The following XRN1 variants were observed in gnomAD, a reference collection of about 807,000 sequenced individuals.
The protein encoded by XRN1 is 5'-3' exoribonuclease 1.
Under a neutral mutation model 222.3 loss-of-function variants are expected in XRN1, and 67 were observed. The observed-to-expected ratio is 0.30, with a 90% CI of 0.25 to 0.37. The LOEUF is 0.37. XRN1 is among the 10% of genes least tolerant of loss of function. XRN1 has a pLI of 1.00. For synonymous variants in XRN1, 643 were observed against 652.4 expected (o/e 0.99, Z 0.22); for missense variants, 1,707 against 2,000.2 (o/e 0.85, Z 2.80).
At position 142,384,547 on chromosome 3, in the gene XRN1, A is replaced by AG; in HGVS notation, c.2477dup (p.Val828CysfsTer24). On this transcript the variant is annotated frameshift_variant, in exon 21 of 41. Transcript: ENST00000392981. LOFTEE classifies it high-confidence loss of function. ...CCTTGACAATAGTTTGATAAACAAA[A>AG]GGAACAACTTGTTTTGACCACTGTT... 1 of 1,611,354 alleles carries AG rather than the reference A, an allele frequency of 6.2e-7. No homozygotes were observed.
rs768158448 is a variant in XRN1 at position 142,357,135 on chromosome 3, A to G, written c.3465-16T>C. 17 of 1,589,484 alleles carry G rather than the reference A, an allele frequency of 1.1e-5. No individual in the cohort carries two copies. Among genetic ancestry groups the G allele is most frequent in the South Asian group, 5.7e-5 (5 of 87,890 alleles). ...AGGTGAGCATCTAAAAGTAAAAGTT[A>G]TATCAGGGTTGGAAGGAAAACAATA... is the stretch of plus-strand genomic sequence containing the variant. On this transcript the variant is annotated splice_polypyrimidine_tract_variant and intron_variant, in intron 30 of 40. Coordinates refer to ENST00000392981, the MANE Select transcript of XRN1 (RefSeq NM_001282857.2).
At chr3:142,325,255 G>A (rs2065483827) in intron 37 of XRN1, among the ~76,000 whole-genome samples, 1 of 151,540 alleles carries the variant, frequency 6.6e-6, no homozygotes, top group African/African-American at 2.4e-5. Flanking sequence ...TTATTTTTTG[G>A]TAAAAGCCAT....
chr3:142,309,246 CAG>C lies in XRN1; in HGVS notation c.*2263_*2264del, dbSNP rs1213590740. The C allele has an allele frequency of 6.6e-6, 1 of 151,906 alleles. No individual in the cohort carries two copies. The highest frequency in any genetic ancestry group is 1.9e-4 in the East Asian group (1 of 5,182). 9.4% of individuals were successfully genotyped at this position (151,906 alleles called of 1,614,324 possible). A position where few individuals can be genotyped will look rare whatever the true frequency, so the allele number is the denominator to read the frequency against. ...TAAAACTTTTTTCTTTTTTTTGAGA[CAG>C]AGTCTTGCTCTGCTCTCCAGGCTGG... is the stretch of plus-strand genomic sequence containing the variant. On this transcript the variant is annotated 3_prime_UTR_variant, in exon 41 of 41. Transcript: ENST00000392981.
intron 1 of XRN1, among the ~76,000 whole-genome samples, chr3:142,438,266 C>T (rs62276420): frequency 0.025 from 3,797 of 151,930 alleles, 74 homozygotes; most frequent in Non-Finnish European, 0.038. Flanking sequence ...AGGCAGAGGT[C>T]CGTGGGGAGT....
At chr3:142,319,584 T>C (rs895610195) in intron 37 of XRN1, among the ~76,000 whole-genome samples, 1 of 152,162 alleles carries the variant, frequency 6.6e-6, no homozygotes, top group African/African-American at 2.4e-5. Flanking sequence ...TACTACATAG[T>C]GGTGAAGTAT....
At chr3:142,440,317 C>T (rs2070144385) in intron 1 of XRN1, among the ~76,000 whole-genome samples, 1 of 152,064 alleles carries the variant, frequency 6.6e-6, no homozygotes, top group Non-Finnish European at 1.5e-5. Flanking sequence ...GAAAGCCCCA[C>T]TCCCTTGTTA....
intron 37 of XRN1, among the ~76,000 whole-genome samples, chr3:142,328,373 T>C (rs565400942): frequency 6.6e-6 from 1 of 152,272 alleles, no homozygotes; most frequent in African/African-American, 2.4e-5. Flanking sequence ...TAAAATTTTC[T>C]CTTAATTTCT....
intron 20 of XRN1, among the ~76,000 whole-genome samples, chr3:142,388,866 T>C (rs148542274): frequency 4.6e-5 from 7 of 152,348 alleles, no homozygotes; most frequent in African/African-American, 1.4e-4. Flanking sequence ...GCATCTTCAC[T>C]ATGAGTAGAT....
intron 20 of XRN1, among the ~76,000 whole-genome samples, chr3:142,387,998 T>C (rs182168367): frequency 2.0e-5 from 3 of 152,330 alleles, no homozygotes; most frequent in Admixed American, 1.3e-4. Context: ...GCTGATGCCA[T>C]ACTTCTTGTG....
chr3:142,395,627 T>C (rs1022894767), intron 20 of XRN1, among the ~76,000 whole-genome samples: 1 of 152,216 alleles, frequency 6.6e-6, no homozygotes, highest in Non-Finnish European at 1.5e-5. Flanking sequence ...CAATCATTCC[T>C]TTACCCACTC....
At chr3:142,327,604 C>A (rs538989870) in intron 37 of XRN1, among the ~76,000 whole-genome samples, 1 of 150,286 alleles carries the variant, frequency 6.7e-6, no homozygotes, top group East Asian at 1.9e-4. Flanking sequence ...ATTTCTGCCC[C>A]AATCTTTATC....
At chr3:142,428,151 G>A (rs1263548034) in intron 2 of XRN1, among the ~76,000 whole-genome samples, 2 of 152,094 alleles carry the variant, frequency 1.3e-5, no homozygotes, top group African/African-American at 4.8e-5. Flanking sequence ...CCAGCACTTT[G>A]GGAGGCCAAG....
intron 32 of XRN1, among the ~76,000 whole-genome samples, chr3:142,350,548 CAT>C (rs1311871905): frequency 6.6e-6 from 1 of 152,024 alleles, no homozygotes; most frequent in Non-Finnish European, 1.5e-5. Context: ...TGATCTCTGA[CAT>C]ATTTTAATAG....
chr3:142,422,201 G>A (rs2069062457), intron 8 of XRN1, among the ~76,000 whole-genome samples: 1 of 152,094 alleles, frequency 6.6e-6, no homozygotes, highest in Non-Finnish European at 1.5e-5. Context: ...TGGGCATGGT[G>A]ACACATGCCT....
At chr3:142,405,512 A>G (rs1417569137) in intron 15 of XRN1, among the ~76,000 whole-genome samples, 1 of 152,214 alleles carries the variant, frequency 6.6e-6, no homozygotes, top group Non-Finnish European at 1.5e-5. Flanking sequence ...ATGATTTAAA[A>G]TATCTTTTTT....
chr3:142,376,337 A>C, intron 24 of XRN1, 142 bp downstream of exon 24: 2 of 771,264 alleles, frequency 2.6e-6, no homozygotes, highest in Non-Finnish European at 4.2e-6. Context: ...CAGATGAAAG[A>C]TTACCATCAG....
At chr3:142,332,085 A>G (rs998070720) in intron 36 of XRN1, among the ~76,000 whole-genome samples, 1 of 152,084 alleles carries the variant, frequency 6.6e-6, no homozygotes, top group Non-Finnish European at 1.5e-5. Context: ...TTATATTATT[A>G]TATAACTGAA....
At chr3:142,399,298 G>A (rs566867432) in intron 19 of XRN1, among the ~76,000 whole-genome samples, 5 of 148,856 alleles carry the variant, frequency 3.4e-5, no homozygotes, top group Admixed American at 3.3e-4. Flanking sequence ...TTAAGACCAT[G>A]GTAATCAAGC....
At chr3:142,429,393 C>A (rs1177502725) in intron 2 of XRN1, among the ~76,000 whole-genome samples, 1 of 152,054 alleles carries the variant, frequency 6.6e-6, no homozygotes, top group Non-Finnish European at 1.5e-5. Context: ...TGTGATCCAC[C>A]CGCCTGGGCC....
Sources: gnomAD v4.1 joint callset for allele counts (sites outside exome capture counted in the v4.1 genomes callset) on GRCh38, gnomAD v4.1.1 for gene constraint, MANE v1.5 for transcripts, NCBI Gene and HGNC (gene_info 2026-07-23, HGNC 2026-07-21) for gene names.